The following HNF4G variants were observed in gnomAD, a reference collection of about 807,000 sequenced individuals.
HNF4G encodes hepatocyte nuclear factor 4-gamma.
A neutral mutation model predicts 50.9 loss-of-function variants in HNF4G; 21 were observed. The ratio of observed to expected loss-of-function variants is 0.41; its 90% CI spans 0.29 to 0.59. The LOEUF is 0.59. Among genes scored for constraint, HNF4G ranks in the 20% least tolerant of loss-of-function variants. The probability of loss-of-function intolerance (pLI) is 0.26; values close to 1 mark genes in which losing one functional copy is unlikely to be tolerated. For missense variants in HNF4G, 527 were observed against 559.4 expected (o/e 0.94, Z 0.58); for synonymous variants, 198 against 185.6 (o/e 1.07, Z -0.54).
intron 1 of HNF4G, among the ~76,000 whole-genome samples, chr8:75,468,844 A>G (rs1812050956): frequency 6.6e-6 from 1 of 152,148 alleles, no homozygotes; most frequent in Non-Finnish European, 1.5e-5. Context: ...AAGCAAGTTA[A>G]GACAAGTAGA....
chr8:75,560,795 T>A lies in HNF4G; in HGVS notation c.1246+329T>A, dbSNP rs145139731. Among the ~76,000 whole-genome samples, 656 of 152,292 alleles carry A rather than the reference T, an allele frequency of 4.3e-3. 5 individuals are homozygous for A. Among genetic ancestry groups the A allele is most frequent in the African/African-American group, 0.015 (615 of 41,576 alleles). On this transcript the variant is annotated intron_variant, in intron 9 of 9. Coordinates refer to ENST00000396423, the MANE Select transcript of HNF4G (RefSeq NM_004133.5). ...CTGAAACCATGCAAGGGAATCTTAA[T>A]AATCAATGGGAAAATTATTTCTTGC...
intron 1 of HNF4G, among the ~76,000 whole-genome samples, chr8:75,452,420 G>A (rs1449464509): frequency 6.6e-6 from 1 of 151,972 alleles, no homozygotes; most frequent in Non-Finnish European, 1.5e-5. Flanking sequence ...TCTTTTTAAT[G>A]AGTTTCAAGA....
chr8:75,538,720 T>C (rs1379180430), upstream of HNF4G, among the ~76,000 whole-genome samples: 1 of 152,144 alleles, frequency 6.6e-6, no homozygotes, highest in Non-Finnish European at 1.5e-5. Flanking sequence ...ATACAGAATA[T>C]GAGGGCAAGA....
chr8:75,428,066 A>C (rs1345030469), intron 1 of HNF4G, among the ~76,000 whole-genome samples: 1 of 152,206 alleles, frequency 6.6e-6, no homozygotes, highest in African/African-American at 2.4e-5. Flanking sequence ...GGAACATTAC[A>C]TTGTGGTGAG....
At position 75,558,464 on chromosome 8, in the gene HNF4G, T is replaced by A. The variant is rs530387687; in HGVS notation, c.734-54T>A. The stretch of plus-strand genomic sequence containing the variant: ...TTAAATTTTAAACAGTGCTGACAAT[T>A]TGGGGAGACAGGTGGTTATTTTGTT... On this transcript the variant is annotated intron_variant, in intron 6 of 9. Coordinates refer to ENST00000396423, the MANE Select transcript of HNF4G (RefSeq NM_004133.5). 1.0e-4 allele frequency: 160 copies of A among 1,545,538 alleles called. No homozygotes were observed. The Middle Eastern group carries it at 1.8e-3, about 17-fold the overall frequency.
At chr8:75,480,754 A>G (rs552172086) in intron 1 of HNF4G, among the ~76,000 whole-genome samples, 2 of 136,198 alleles carry the variant, frequency 1.5e-5, no homozygotes, top group African/African-American at 5.3e-5. Flanking sequence ...AATCTCACCC[A>G]GGCTGGAATG....
chr8:75,477,794 C>G (rs1461187200), intron 1 of HNF4G, among the ~76,000 whole-genome samples: 1 of 151,706 alleles, frequency 6.6e-6, no homozygotes, highest in African/African-American at 2.4e-5. Flanking sequence ...ATGGAGAAAC[C>G]CCGTCTCTAC....
At chr8:75,494,102 T>C (rs2130689357) in intron 2 of HNF4G, among the ~76,000 whole-genome samples, 1 of 152,314 alleles carries the variant, frequency 6.6e-6, no homozygotes, top group Non-Finnish European at 1.5e-5. Flanking sequence ...ATTTACTAAG[T>C]TCATACTTTG....
intron 1 of HNF4G, among the ~76,000 whole-genome samples, chr8:75,455,889 C>CA (rs1304760063): frequency 3.3e-5 from 5 of 151,296 alleles, no homozygotes; most frequent in African/African-American, 9.7e-5. Flanking sequence ...CTCTGAATCA[C>CA]AAAAAAAAGT....
chr8:75,537,387 G>A (rs993826159), upstream of HNF4G, among the ~76,000 whole-genome samples: 9 of 151,984 alleles, frequency 5.9e-5, no homozygotes, highest in Non-Finnish European at 1.2e-4. Context: ...GGGATTATAA[G>A]CGCATGCCAC....
At chr8:75,407,826 C>T (rs1810397013), upstream of HNF4G, 1 of 152,292 alleles carries the variant, frequency 6.6e-6, no homozygotes, top group African/African-American at 2.4e-5. Flanking sequence ...CACCTCCTCG[C>T]TTTCAGCAAA....
At chr8:75,489,347 C>G (rs906008328) in intron 1 of HNF4G, among the ~76,000 whole-genome samples, 1 of 152,166 alleles carries the variant, frequency 6.6e-6, no homozygotes, top group Non-Finnish European at 1.5e-5. Flanking sequence ...TTTATCTGCT[C>G]TAACACTAAA....
intron 3 of HNF4G, among the ~76,000 whole-genome samples, chr8:75,548,741 A>C (rs1806861587): frequency 6.6e-6 from 1 of 152,216 alleles, no homozygotes. Context: ...ACTATTTCAC[A>C]AACTAAAATA....
chr8:75,487,378 C>T (rs1444076121), intron 1 of HNF4G, among the ~76,000 whole-genome samples: 1 of 152,068 alleles, frequency 6.6e-6, no homozygotes, highest in Non-Finnish European at 1.5e-5. Flanking sequence ...GGTTTGTACA[C>T]GTAATATCAC....
intron 1 of HNF4G, among the ~76,000 whole-genome samples, chr8:75,420,854 C>T (rs756958038): frequency 1.7e-4 from 26 of 152,138 alleles, no homozygotes; most frequent in Non-Finnish European, 3.4e-4. Context: ...AACAAAATAA[C>T]TCTGACTCAT....
upstream of HNF4G, among the ~76,000 whole-genome samples, chr8:75,535,116 GA>G (rs1782800075): frequency 6.6e-6 from 1 of 151,430 alleles, no homozygotes; most frequent in South Asian, 2.1e-4. Flanking sequence ...TGGGCTTTAG[GA>G]AAAAAATGTA....
chr8:75,490,916 C>G (rs1439519052), intron 2 of HNF4G, among the ~76,000 whole-genome samples: 1 of 152,182 alleles, frequency 6.6e-6, no homozygotes, highest in East Asian at 1.9e-4. Context: ...CCTCTCTTAG[C>G]TTCCTATATT....
intron 1 of HNF4G, among the ~76,000 whole-genome samples, chr8:75,413,692 A>C (rs1441973239): frequency 6.6e-6 from 1 of 151,750 alleles, no homozygotes; most frequent in Non-Finnish European, 1.5e-5. Context: ...AACATGATGA[A>C]ACCCCACAAA....
At chr8:75,476,781 C>T (rs1044909248) in intron 1 of HNF4G, among the ~76,000 whole-genome samples, 2 of 152,084 alleles carry the variant, frequency 1.3e-5, no homozygotes, top group African/African-American at 4.8e-5. Flanking sequence ...TTAATCTTTC[C>T]AAATTTGCCA....
Sources: allele counts gnomAD v4.1 joint callset (sites outside exome capture counted in the v4.1 genomes callset), GRCh38; gene constraint gnomAD v4.1.1; transcripts MANE v1.5; gene names NCBI Gene and HGNC (gene_info 2026-07-23, HGNC 2026-07-21).